The following IL1RL1 variants were observed in gnomAD, a reference collection of about 807,000 sequenced individuals.
The protein encoded by IL1RL1 is interleukin 1 receptor like 1.
A neutral mutation model predicts 50.9 loss-of-function variants in IL1RL1; 32 were observed. The observed-to-expected ratio is 0.63, with a 90% confidence interval of 0.47 to 0.84. The LOEUF (loss-of-function observed/expected upper bound fraction) is 0.84, where lower values mean the gene tolerates loss of function less well. Among genes scored for constraint, IL1RL1 ranks in the 40% least tolerant of loss-of-function variants. IL1RL1 has a pLI of 0.00. For synonymous variants in IL1RL1, 275 were observed against 236.0 expected (o/e 1.17, Z -1.51); for missense variants, 773 against 662.9 (o/e 1.17, Z -1.82).
At chr2:102,338,757 G>A in intron 2 of IL1RL1, 80 bp from the exon 3 acceptor site, 1 of 1,107,216 alleles carries the variant, frequency 9.0e-7, no homozygotes, top group Non-Finnish European at 1.3e-6. Context: ...TTTAATCCTA[G>A]AAGAAAATAT....
At chr2:102,347,881 C>A in intron 8 of IL1RL1, 64 bp from the exon 9 acceptor site, 1 of 944,966 alleles carries the variant, frequency 1.1e-6, no homozygotes, top group Non-Finnish European at 1.6e-6. Flanking sequence ...AGCCAACATC[C>A]ATGTATCAGT....
chr2:102,345,730 G>A (rs1677760666), intron 8 of IL1RL1: 1 of 985,244 alleles, frequency 1.0e-6, no homozygotes, highest in Non-Finnish European at 1.2e-6. Context: ...CATGTAGATG[G>A]CTATAAGTGC....
intron 8 of IL1RL1, 44 bp downstream of exon 8, chr2:102,343,459 G>A (rs1028638176): frequency 6.2e-7 from 1 of 1,613,896 alleles, no homozygotes; most frequent in Non-Finnish European, 8.5e-7. Flanking sequence ...ACTTTCTCTA[G>A]CAAGTGTAAG....
intron 8 of IL1RL1, chr2:102,345,828 G>A: frequency 1.0e-6 from 1 of 985,406 alleles, no homozygotes; most frequent in South Asian, 4.7e-5. Context: ...GCTATGTGAG[G>A]GCCATGCTTG....
intron 2 of IL1RL1, 88 bp downstream of exon 2, chr2:102,338,413 A>G (rs1677411864): frequency 2.9e-6 from 2 of 682,094 alleles, no homozygotes; most frequent in Non-Finnish European, 4.9e-6. Flanking sequence ...GTTTGCTTCC[A>G]GTTGTTCCAG....
intron 1 of IL1RL1, among the ~76,000 whole-genome samples, chr2:102,326,881 T>C (rs1260632937): frequency 6.6e-6 from 1 of 152,132 alleles, no homozygotes; most frequent in Non-Finnish European, 1.5e-5. Flanking sequence ...ACAAAGAGAC[T>C]TAGACTCCCA....
At chr2:102,343,770 G>A in intron 8 of IL1RL1, 1 of 1,149,924 alleles carries the variant, frequency 8.7e-7, no homozygotes, top group Non-Finnish European at 1.1e-6. Context: ...GTGTTCTTTT[G>A]TGCTCTTTTA....
chr2:102,352,198 A>T, downstream of IL1RL1, among the ~76,000 whole-genome samples: 1 of 145,726 alleles, frequency 6.9e-6, no homozygotes, highest in African/African-American at 2.6e-5. Flanking sequence ...TGTTTTCACT[A>T]CTCTTTTTTC....
chr2:102,333,284 G>T (rs1295723979), intron 1 of IL1RL1, among the ~76,000 whole-genome samples: 1 of 152,178 alleles, frequency 6.6e-6, no homozygotes, highest in African/African-American at 2.4e-5. Context: ...GACAAGGATG[G>T]TGGCATTGAG....
intron 1 of IL1RL1, among the ~76,000 whole-genome samples, chr2:102,312,521 C>T (rs1467158236): frequency 1.3e-5 from 2 of 151,862 alleles, no homozygotes; most frequent in Admixed American, 6.6e-5. Flanking sequence ...TTTCTGAAAT[C>T]CACAAAATCC....
At chr2:102,321,046 T>C (rs1198569327) in intron 1 of IL1RL1, among the ~76,000 whole-genome samples, 1 of 152,238 alleles carries the variant, frequency 6.6e-6, no homozygotes, top group South Asian at 2.1e-4. Flanking sequence ...CTGTTGGCCA[T>C]GTGGCTTCCC....
At chr2:102,329,182 C>T (rs983504947) in intron 1 of IL1RL1, among the ~76,000 whole-genome samples, 7 of 152,154 alleles carry the variant, frequency 4.6e-5, no homozygotes, top group Non-Finnish European at 1.0e-4. Context: ...AGAAATAATG[C>T]TGCATGTCTA....
intron 1 of IL1RL1, among the ~76,000 whole-genome samples, chr2:102,334,667 A>G (rs1677263514): frequency 6.6e-6 from 1 of 152,344 alleles, no homozygotes; most frequent in South Asian, 2.1e-4. Flanking sequence ...TTCATATAAG[A>G]TTAATGTAAC....
chr2:102,338,846 C>T lies in IL1RL1; in HGVS notation c.71C>T (p.Ser24Leu). ...TATCTTTTATTTGCAGGTAAACAAT[C>T]ATGGGGCCTGGAAAATGAGGCTTTA... ...YSTAAKFSKQ[S>L]WGLENEALIV... is the part of the protein sequence containing the mutation. The change falls in exon 3 of 11, where the codon TCA becomes TTA. Residue 24 changes from serine to leucine, a missense_variant. Physicochemically the swap from Ser to Leu is moderately radical, Grantham distance 145 (BLOSUM62 -2). Transcript: ENST00000233954. 6.2e-7 allele frequency: 1 copy of T among 1,611,196 alleles called. No homozygotes were observed. Among genetic ancestry groups the T allele is most frequent in the Non-Finnish European group, 8.5e-7 (1 of 1,177,544 alleles).
rs757996041 is a variant in IL1RL1 at position 102,338,842 on chromosome 2, C to T, written c.67C>T (p.Gln23Ter). ...MYSTAAKFSK[Q>*]SWGLENEALI... ...TTTATATCTTTTATTTGCAGGTAAA[C>T]AATCATGGGGCCTGGAAAATGAGGC... The change falls in exon 3 of 11, where the codon CAA (glutamine) becomes TAA (stop). Residue 23 changes from glutamine (Q) to a stop codon, truncating the protein, a stop_gained. Coordinates refer to ENST00000233954, the MANE Select transcript of IL1RL1 (RefSeq NM_016232.5). LOFTEE classifies it high-confidence loss of function. The T allele has an allele frequency of 5.6e-6, 9 of 1,609,970 alleles. No homozygotes were observed. The highest frequency in any genetic ancestry group is 1.3e-5 in the African/African-American group (1 of 74,820).
chr2:102,329,319 A>C (rs1478215336), intron 1 of IL1RL1, among the ~76,000 whole-genome samples: 1 of 152,178 alleles, frequency 6.6e-6, no homozygotes, highest in Non-Finnish European at 1.5e-5. Flanking sequence ...CCTTCCTTAC[A>C]CCTTATACAA....
intron 1 of IL1RL1, among the ~76,000 whole-genome samples, chr2:102,326,071 T>A (rs932776162): frequency 6.6e-6 from 1 of 152,000 alleles, no homozygotes; most frequent in Non-Finnish European, 1.5e-5. Flanking sequence ...AAAGTTGAAA[T>A]GAAGGCAAAA....
chr2:102,341,395 A>G lies in IL1RL1; in HGVS notation c.610+567A>G. The G allele has an allele frequency of 9.7e-6, 10 of 1,033,060 alleles. 1 individual carries two copies. The highest frequency in any genetic ancestry group is 2.2e-5 in the South Asian group (1 of 46,168). The allele number at this position is 1,033,060 out of a possible 1,614,324, so 64.0% of individuals were successfully genotyped here. A position where few individuals can be genotyped will look rare whatever the true frequency, so the allele number is the denominator to read the frequency against. On this transcript the variant is annotated intron_variant, in intron 5 of 10. Transcript: ENST00000233954. Reference sequence around the variant, plus strand: ...ATTCTAAAAATGTGTTTTCCAAGTTATTTTAAATTTTATAAAAGCTTATTT... The same window carrying G: ...ATTCTAAAAATGTGTTTTCCAAGTTGTTTTAAATTTTATAAAAGCTTATTT...
intron 10 of IL1RL1, among the ~76,000 whole-genome samples, chr2:102,349,948 G>A (rs1379099276): frequency 6.6e-6 from 1 of 152,136 alleles, no homozygotes; most frequent in Non-Finnish European, 1.5e-5. Context: ...GCATAATAAA[G>A]TAAATGTTCA....
Sources: gnomAD v4.1 joint callset for allele counts (sites outside exome capture counted in the v4.1 genomes callset) on GRCh38, gnomAD v4.1.1 for gene constraint, MANE v1.5 for transcripts, NCBI Gene and HGNC (gene_info 2026-07-23, HGNC 2026-07-21) for gene names.